Variants in PCNX3 observed in about 807,000 individuals in gnomAD.
PCNX3 encodes the protein pecanex-like protein 3.
In PCNX3, 58 loss-of-function variants were observed where a neutral mutation model predicts 207.2. The ratio of observed to expected loss-of-function variants is 0.28; its 90% CI spans 0.23 to 0.35. PCNX3 has a LOEUF of 0.35. Among genes scored for constraint, PCNX3 ranks in the 10% least tolerant of loss-of-function variants. The probability of loss-of-function intolerance (pLI) is 1.00; values close to 1 mark genes in which losing one functional copy is unlikely to be tolerated. For missense variants in PCNX3, 2,410 were observed against 2,774.4 expected, an observed-to-expected ratio of 0.87 and a Z score of 2.95; for synonymous variants, 1,337 against 1,183.5, an observed-to-expected ratio of 1.13 and a Z score of -2.66.
At position 65,619,017 on chromosome 11, in the gene PCNX3, A is replaced by G; in HGVS notation, c.1655A>G (p.Asn552Ser). ...GAGGCGCGAAGGGGACCCGCTGCCA[A>G]CCAGCCCGGCTGGCGGGGGGAGCTG... is the stretch of plus-strand genomic sequence containing the variant. Reference protein sequence around the residue: ...PAEARRGPAANQPGWRGELQE... With the variant: ...PAEARRGPAASQPGWRGELQE... The change falls in exon 6 of 35, where the codon AAC (asparagine) becomes AGC (serine). Residue 552 changes from asparagine to serine, a missense_variant. This residue lies in a region of PCNX3 where 1,104 missense variants were observed against 970.3 expected (regional missense o/e 1.14). Transcript: ENST00000355703. 1 of 1,595,960 alleles carries G rather than the reference A, an allele frequency of 6.3e-7. No individual in the cohort carries two copies. Among genetic ancestry groups the G allele is most frequent in the South Asian group, 1.1e-5 (1 of 90,276 alleles).
Position 65,628,620 on chromosome 11 carries a change from G to A in PCNX3, c.3728G>A (p.Arg1243His), listed in dbSNP as rs756949255. 9.9e-6 allele frequency: 16 copies of A among 1,613,496 alleles called. No homozygotes were observed. Among genetic ancestry groups the A allele is most frequent in the Admixed American group, 6.7e-5 (4 of 59,994 alleles). The change falls in exon 23 of 35, where the codon CGT becomes CAT. Residue 1243 changes from arginine to histidine, a missense_variant. By Grantham distance (29) the Arg-to-His change is conservative. Coordinates refer to ENST00000355703, the MANE Select transcript of PCNX3 (RefSeq NM_032223.4). The stretch of plus-strand genomic sequence containing the variant: ...CTGTGGGACTTGCTGTACAAGCTGC[G>A]TTTCGTGCTGACCTACATCGCGCCC... ...SKLWDLLYKLRFVLTYIAPWQ... is the reference protein window; with the variant it reads ...SKLWDLLYKLHFVLTYIAPWQ...
rs1312270971 is a variant in PCNX3 at position 65,636,516 on chromosome 11, C to T, written c.5719C>T (p.Pro1907Ser). The change falls in exon 34 of 35, where the codon CCT becomes TCT. Residue 1907 changes from proline (P) to serine (S), a missense_variant. Around this residue, in one of 8 missense-constraint regions of PCNX3, gnomAD observed 278 missense variants for 245.1 expected, o/e 1.13. Coordinates refer to ENST00000355703, the MANE Select transcript of PCNX3 (RefSeq NM_032223.4). ...WPPPRLPGPP[P>S]ASPIPTEGPR... ...TCCCCCTCGGCTCCCTGGACCACCC[C>T]CTGCATCGCCTATCCCCACAGAGGG... 1.3e-6 allele frequency: 2 copies of T among 1,583,836 alleles called. No individual in the cohort carries two copies. The highest frequency in any genetic ancestry group is 2.3e-5 in the South Asian group (2 of 88,392).
At position 65,623,478 on chromosome 11, in the gene PCNX3, G is replaced by A; in HGVS notation, c.2358-13G>A. 6.3e-7 allele frequency: 1 copy of A among 1,590,194 alleles called. No individual in the cohort carries two copies. The highest frequency in any genetic ancestry group is 8.6e-7 in the Non-Finnish European group (1 of 1,166,698). On this transcript the variant is annotated splice_polypyrimidine_tract_variant and intron_variant, in intron 11 of 34. Coordinates refer to ENST00000355703, the MANE Select transcript of PCNX3 (RefSeq NM_032223.4). ...GGCAAGACGGGCACGCCCTGACTAGGCTGTCCCTGCAGGACGCGGGGAGTG... is the reference window on the plus strand; with the variant it reads ...GGCAAGACGGGCACGCCCTGACTAGACTGTCCCTGCAGGACGCGGGGAGTG...
chr11:65,633,366 G>A (rs1471694949), intron 27 of PCNX3, among the ~76,000 whole-genome samples: 2 of 152,214 alleles, frequency 1.3e-5, no homozygotes, highest in African/African-American at 2.4e-5. Flanking sequence ...TCTGAGGCGA[G>A]GCCTGATGGC....
In PCNX3 at chr11:65,629,580, A is replaced by G; in HGVS notation, c.4061A>G (p.His1354Arg). Residue 1354 changes from histidine (H) to arginine (R), a missense_variant, in exon 26 of 35, where the codon CAC becomes CGC. His to Arg is a conservative substitution (Grantham distance 29). Around this residue, in one of 8 missense-constraint regions of PCNX3, gnomAD observed 420 missense variants for 705.3 expected, o/e 0.60. Coordinates refer to ENST00000355703, the MANE Select transcript of PCNX3 (RefSeq NM_032223.4). ...GAGCACTTGACACGTTCGCTGCAGC[A>G]CACACTGTGTGGGGACCTGGTGCTG... ...FYEHLTRSLQHTLCGDLVLGR... is the reference protein window; with the variant it reads ...FYEHLTRSLQRTLCGDLVLGR... 2 of 1,613,478 alleles carry G rather than the reference A, an allele frequency of 1.2e-6. No homozygotes were observed. Among genetic ancestry groups the G allele is most frequent in the Non-Finnish European group, 1.7e-6 (2 of 1,179,754 alleles).
intron 20 of PCNX3, chr11:65,626,296 C>T (rs1855387709): frequency 1.5e-6 from 1 of 677,314 alleles, no homozygotes. Flanking sequence ...TGCCCTCCTT[C>T]CTGTCTGTGA....
At chr11:65,621,856 G>A (rs899014638) in intron 10 of PCNX3, among the ~76,000 whole-genome samples, 1 of 152,262 alleles carries the variant, frequency 6.6e-6, no homozygotes, top group Non-Finnish European at 1.5e-5. Flanking sequence ...GGTAGTCAGA[G>A]TGACAGTGAC....
In PCNX3 at chr11:65,619,449, C is replaced by G; in HGVS notation, c.1706-88C>G. Reference sequence around the variant, plus strand: ...GGGCGTGGTTGTACTAGGCCTTTAGCTCCCTGGCGGAACACCGTCCCCAAC... The same window carrying G: ...GGGCGTGGTTGTACTAGGCCTTTAGGTCCCTGGCGGAACACCGTCCCCAAC... On this transcript the variant is annotated intron_variant, in intron 6 of 34. Coordinates refer to ENST00000355703, the MANE Select transcript of PCNX3 (RefSeq NM_032223.4). The G allele has an allele frequency of 3.3e-6, 5 of 1,537,588 alleles. No homozygotes were observed. The South Asian group carries it at 6.1e-5, about 19-fold the overall frequency.
intron 27 of PCNX3, among the ~76,000 whole-genome samples, chr11:65,632,588 T>C (rs1855660036): frequency 7.9e-6 from 1 of 126,794 alleles, no homozygotes; most frequent in Non-Finnish European, 1.7e-5. Flanking sequence ...CAGTGAGCGC[T>C]CACAGGCGGA....
chr11:65,627,175 C>G, intron 21 of PCNX3, 127 bp downstream of exon 21: 1 of 1,320,456 alleles, frequency 7.6e-7, no homozygotes, highest in Non-Finnish European at 1.0e-6. Context: ...AGGACCCCAG[C>G]TCCTGACACG....
At chr11:65,634,039 T>C (rs1373223837) in intron 27 of PCNX3, 87 bp from the exon 28 acceptor site, 1 of 1,255,128 alleles carries the variant, frequency 8.0e-7, no homozygotes, top group East Asian at 2.5e-5. Context: ...CAGCTCAGTC[T>C]TGGGGAGGAG....
chr11:65,616,551 C>T (rs1488354005), intron 1 of PCNX3, 87 bp downstream of exon 1: 7 of 1,416,674 alleles, frequency 4.9e-6, no homozygotes, highest in Non-Finnish European at 6.6e-6. Context: ...GGCTCTGGGA[C>T]GTGGAGAGAG....
chr11:65,624,181 G>C lies in PCNX3; in HGVS notation c.2545-14G>C. 6.3e-7 allele frequency: 1 copy of C among 1,597,584 alleles called. No homozygotes were observed. Reference sequence around the variant, plus strand: ...AGTCGGGGAGACCCAGCTCCTCATGGGCTGACCCCTCAGGGCCACAACTGG... The same window carrying C: ...AGTCGGGGAGACCCAGCTCCTCATGCGCTGACCCCTCAGGGCCACAACTGG... On this transcript the variant is annotated splice_polypyrimidine_tract_variant and intron_variant, in intron 13 of 34. Transcript: ENST00000355703.
At chr11:65,627,633 C>T in intron 22 of PCNX3, 51 bp downstream of exon 22, 2 of 1,578,740 alleles carry the variant, frequency 1.3e-6, no homozygotes, top group Non-Finnish European at 1.7e-6. Context: ...GGGAGCAGAG[C>T]CAACTTCTGC....
In PCNX3 at chr11:65,618,342, C is replaced by G; in HGVS notation, c.980C>G (p.Pro327Arg). 6.2e-7 allele frequency: 1 copy of G among 1,611,988 alleles called. No individual in the cohort carries two copies. Among genetic ancestry groups the G allele is most frequent in the Non-Finnish European group, 8.5e-7 (1 of 1,179,276 alleles). The stretch of plus-strand genomic sequence containing the variant: ...AACTCCACCCATCTGGACAGCCCCC[C>G]AGGGGGGCCAGCCCCTGAGGGCAGC... ...KTNSTHLDSPPGGPAPEGSDT... is the reference protein window; with the variant it reads ...KTNSTHLDSPRGGPAPEGSDT... Residue 327 changes from proline (P) to arginine (R), a missense_variant, in exon 6 of 35, where the codon CCA becomes CGA. By Grantham distance (103) the Pro-to-Arg change is moderately radical. Transcript: ENST00000355703.
Position 65,635,738 on chromosome 11 carries a change from G to C in PCNX3, c.5394G>C (p.Arg1798=). 1 of 1,604,262 alleles carries C rather than the reference G, an allele frequency of 6.2e-7. No individual in the cohort carries two copies. The highest frequency in any genetic ancestry group is 1.1e-5 in the South Asian group (1 of 89,710). ...TSLAGSHPQL[R]ALWGGPISLG... ...TGGCTGGCAGCCACCCCCAGCTACG[G>C]GCACTGTGGGGTGGCCCCATCAGCC... Residue 1798 remains arginine (R), a synonymous_variant, in exon 32 of 35, where the codon CGG becomes CGC. Transcript: ENST00000355703. The surrounding 1 kb of genome is among the most constrained non-coding windows in gnomAD (Gnocchi z 9.9).
chr11:65,632,206 G>C (rs528469488), intron 27 of PCNX3, among the ~76,000 whole-genome samples: 25 of 152,174 alleles, frequency 1.6e-4, no homozygotes, highest in African/African-American at 5.5e-4. Context: ...AGGCTGGGCA[G>C]AATTTGAGTC....
In PCNX3 at chr11:65,624,594, C is replaced by T. The variant is rs1565162011; in HGVS notation, c.2827+13C>T. On this transcript the variant is annotated intron_variant, in intron 15 of 34. Coordinates refer to ENST00000355703, the MANE Select transcript of PCNX3 (RefSeq NM_032223.4). ...TTCGGGGGCACAGGTATGATGCCCACAGGTGGCTCAGGGATGGGGCCCGTG... is the reference window on the plus strand; with the variant it reads ...TTCGGGGGCACAGGTATGATGCCCATAGGTGGCTCAGGGATGGGGCCCGTG... 2.5e-6 allele frequency: 4 copies of T among 1,569,884 alleles called. No individual in the cohort carries two copies. The Admixed American group carries it at 5.5e-5, about 22-fold the overall frequency.
At position 65,616,283 on chromosome 11, in the gene PCNX3, G is replaced by C. The variant is rs770397589; in HGVS notation, c.-29G>C. ...GGCCGCCCCCATGAGGGTCCCGGGAGGGGGGGCGCGGGCAGCAGCGGCGGG... is the reference window on the plus strand; with the variant it reads ...GGCCGCCCCCATGAGGGTCCCGGGACGGGGGGCGCGGGCAGCAGCGGCGGG... On this transcript the variant is annotated 5_prime_UTR_variant, in exon 1 of 35. Transcript: ENST00000355703. 5.9e-6 allele frequency: 9 copies of C among 1,531,434 alleles called. No individual in the cohort carries two copies. Among genetic ancestry groups the C allele is most frequent in the South Asian group, 1.2e-5 (1 of 82,252 alleles). 94.9% of individuals were successfully genotyped at this position (1,531,434 alleles called of 1,614,324 possible).
Sources: gnomAD v4.1 joint callset for allele counts (sites outside exome capture counted in the v4.1 genomes callset) on GRCh38, gnomAD v4.1.1 for gene constraint, gnomAD v4.1.1 regional missense constraint, Gnocchi (gnomAD v3.1) non-coding constraint, MANE v1.5 for transcripts, NCBI Gene and HGNC (gene_info 2026-07-23, HGNC 2026-07-21) for gene names.